Variants in MYO3B observed in about 807,000 individuals in gnomAD.
MYO3B encodes myosin-IIIb.
MYO3B carries 156 observed loss-of-function variants against 174.6 expected under a neutral mutation model. That is an observed-to-expected ratio of 0.89 (90% CI 0.78 to 1.02). MYO3B has a LOEUF of 1.02. Ranked by LOEUF, MYO3B falls within the 50% of genes least tolerant of loss-of-function variation. The pLI is 0.00. For synonymous variants in MYO3B, 563 were observed against 569.1 expected (o/e 0.99, Z 0.15); for missense variants, 1,632 against 1,639.4 (o/e 1.00, Z 0.08).
chr2:170,220,131 G>T (rs1371549253), intron 6 of MYO3B, among the ~76,000 whole-genome samples: 1 of 151,800 alleles, frequency 6.6e-6, no homozygotes, highest in African/African-American at 2.4e-5. Context: ...GGTGGCGGGT[G>T]CCTGTAGTCC....
At chr2:170,524,425 A>G (rs1218781053) in intron 30 of MYO3B, 1 of 400,892 alleles carries the variant, frequency 2.5e-6, no homozygotes, top group Non-Finnish European at 4.9e-6. Flanking sequence ...TGTCTCCAAC[A>G]ATAATAACAA....
At chr2:170,335,330 T>G in intron 7 of MYO3B, 55 bp from the exon 8 acceptor site, 1 of 1,295,048 alleles carries the variant, frequency 7.7e-7, no homozygotes, top group Non-Finnish European at 1.1e-6. Context: ...AAGTTGATAT[T>G]TTGCCTTTAA....
chr2:170,363,694 A>C (rs1392594118), intron 8 of MYO3B, among the ~76,000 whole-genome samples: 2 of 152,156 alleles, frequency 1.3e-5, no homozygotes, highest in Non-Finnish European at 2.9e-5. Context: ...TAGAATTTCA[A>C]ATTAGATAGT....
At chr2:170,480,098 A>G (rs1685592274) in intron 25 of MYO3B, among the ~76,000 whole-genome samples, 1 of 151,720 alleles carries the variant, frequency 6.6e-6, no homozygotes, top group African/African-American at 2.4e-5. Flanking sequence ...ATTTATAGAC[A>G]GAGAGGTTTT....
chr2:170,281,286 T>A (rs1013944179), intron 7 of MYO3B, among the ~76,000 whole-genome samples: 15 of 152,116 alleles, frequency 9.9e-5, no homozygotes, highest in African/African-American at 3.4e-4. Flanking sequence ...TTGGCTGTTG[T>A]CAGAATTCTC....
chr2:170,560,738 C>T (rs1029531731), intron 32 of MYO3B, among the ~76,000 whole-genome samples: 2 of 152,150 alleles, frequency 1.3e-5, no homozygotes, highest in Non-Finnish European at 1.5e-5. Context: ...TGGATACACA[C>T]CCACTGTAAA....
chr2:170,648,907 AAATATATAT>A (rs1698624627), intron 32 of MYO3B, among the ~76,000 whole-genome samples: 1 of 73,090 alleles, frequency 1.4e-5, no homozygotes, highest in South Asian at 5.2e-4. Flanking sequence ...ATAGTATATA[AAATATATAT>A]AATATATATA....
chr2:170,327,938 G>C (rs1264400347), intron 7 of MYO3B, among the ~76,000 whole-genome samples: 1 of 150,586 alleles, frequency 6.6e-6, no homozygotes, highest in Non-Finnish European at 1.5e-5. Context: ...GTCTCACTTT[G>C]TCACCCAGGC....
chr2:170,208,805 A>G (rs1302297874), intron 3 of MYO3B, among the ~76,000 whole-genome samples: 3 of 152,178 alleles, frequency 2.0e-5, no homozygotes, highest in Non-Finnish European at 4.4e-5. Context: ...TTATTTGCAT[A>G]AAGTGCAGCA....
intron 22 of MYO3B, among the ~76,000 whole-genome samples, chr2:170,438,555 A>C (rs1468082888): frequency 6.6e-6 from 1 of 152,210 alleles, no homozygotes; most frequent in East Asian, 1.9e-4. Context: ...CCAATAGTGC[A>C]GAGAGTTCTA....
At chr2:170,501,352 T>C (rs752585386) in intron 27 of MYO3B, among the ~76,000 whole-genome samples, 13 of 152,196 alleles carry the variant, frequency 8.5e-5, no homozygotes, top group Non-Finnish European at 1.9e-4. Flanking sequence ...TTCCTGTTTA[T>C]ATTTTTCTCC....
intron 32 of MYO3B, among the ~76,000 whole-genome samples, chr2:170,569,296 CA>C (rs772029012): frequency 6.6e-6 from 1 of 150,962 alleles, no homozygotes; most frequent in Non-Finnish European, 1.5e-5. Context: ...CAGAGCTAGG[CA>C]AAAAAAAGTC....
At chr2:170,609,247 T>C (rs1694994966) in intron 32 of MYO3B, among the ~76,000 whole-genome samples, 1 of 152,178 alleles carries the variant, frequency 6.6e-6, no homozygotes, top group Admixed American at 6.5e-5. Flanking sequence ...TTGTTTCACC[T>C]CTAGCTAACA....
chr2:170,542,345 A>G (rs1690168782), intron 30 of MYO3B, among the ~76,000 whole-genome samples: 1 of 152,186 alleles, frequency 6.6e-6, no homozygotes. Flanking sequence ...ATTTTATTAG[A>G]TGTTAATAGG....
At chr2:170,445,375 C>T (rs562614892) in intron 23 of MYO3B, among the ~76,000 whole-genome samples, 1 of 151,952 alleles carries the variant, frequency 6.6e-6, no homozygotes, top group South Asian at 2.1e-4. Flanking sequence ...GAGTTTCACT[C>T]TTGTTGCCCA....
chr2:170,463,880 T>G (rs555006905), intron 24 of MYO3B, among the ~76,000 whole-genome samples: 1 of 152,330 alleles, frequency 6.6e-6, no homozygotes, highest in African/African-American at 2.4e-5. Context: ...CTTCATCTAG[T>G]TAAATGCCTC....
intron 23 of MYO3B, among the ~76,000 whole-genome samples, chr2:170,452,158 T>A (rs1177029052): frequency 1.3e-5 from 2 of 152,012 alleles, no homozygotes; most frequent in Non-Finnish European, 2.9e-5. Context: ...GCTAAAGGCT[T>A]TCCCATAATG....
In MYO3B at chr2:170,592,679, G is replaced by T. The variant is rs1342795774; in HGVS notation, c.3733+48691G>T. Among the ~76,000 whole-genome samples, 8 of 152,218 alleles carry T rather than the reference G, an allele frequency of 5.3e-5. No individual in the cohort carries two copies. In the East Asian group the frequency reaches 1.5e-3, roughly 29 times the overall value. ...CTGACCATAAGGTTCATGAGGGCAG[G>T]GCAGGGATCATGTACATTCTCTTTA... On this transcript the variant is annotated intron_variant, in intron 32 of 34. Transcript: ENST00000408978.
intron 22 of MYO3B, among the ~76,000 whole-genome samples, chr2:170,426,852 T>C (rs2094666919): frequency 6.6e-6 from 1 of 151,684 alleles, no homozygotes. Flanking sequence ...ACCCCGTCTC[T>C]ACTAAAAATA....
Sources: allele counts gnomAD v4.1 joint callset (sites outside exome capture counted in the v4.1 genomes callset), GRCh38; gene constraint gnomAD v4.1.1; transcripts MANE v1.5; gene names NCBI Gene and HGNC (gene_info 2026-07-23, HGNC 2026-07-21).